Variants in FHIP2B observed in about 807,000 individuals in gnomAD.
FHIP2B encodes FHF complex subunit HOOK-interacting protein 2B.
Under a neutral mutation model 84.0 loss-of-function variants are expected in FHIP2B, and 72 were observed. The observed-to-expected ratio is 0.86, with a 90% CI of 0.71 to 1.04. The LOEUF is 1.04. FHIP2B is among the 50% of genes least tolerant of loss of function. The probability of loss-of-function intolerance (pLI) is 0.00; values close to 1 mark genes in which losing one functional copy is unlikely to be tolerated. For missense variants in FHIP2B, 972 were observed against 968.9 expected (o/e 1.00, Z -0.04); for synonymous variants, 497 against 418.7 (o/e 1.19, Z -2.28).
chr8:22,090,346 T>A (rs1317241583), intron 1 of FHIP2B, among the ~76,000 whole-genome samples: 1 of 152,198 alleles, frequency 6.6e-6, no homozygotes, highest in Non-Finnish European at 1.5e-5. Flanking sequence ...GAGCTCCTGT[T>A]GAAAGAAGTT....
intron 7 of FHIP2B, 51 bp from the exon 8 acceptor site, chr8:22,098,897 C>CCTTGAA (rs1261990993): frequency 6.9e-7 from 1 of 1,446,976 alleles, no homozygotes; most frequent in Non-Finnish European, 9.5e-7. Context: ...TTGAGGAAGA[C>CCTTGAA]CTTGAAGCTC....
intron 9 of FHIP2B, 31 bp downstream of exon 9, chr8:22,099,391 T>G (rs1423334818): frequency 6.2e-7 from 1 of 1,607,146 alleles, no homozygotes; most frequent in Admixed American, 1.7e-5. Flanking sequence ...GGCATGACTG[T>G]GGTCTACAGT....
At position 22,101,700 on chromosome 8, in the gene FHIP2B, T is replaced by C. The variant is rs758510626; in HGVS notation, c.1708-8T>C. On this transcript the variant is annotated splice_polypyrimidine_tract_variant and splice_region_variant and intron_variant, in intron 13 of 16. Coordinates refer to ENST00000289921, the MANE Select transcript of FHIP2B (RefSeq NM_022749.7). ...GGCCCACTGCCTCTACTTTCCCGCC[T>C]GTCTCAGTTCCAGGAGTGCAGCTCC... 6.2e-7 allele frequency: 1 copy of C among 1,605,172 alleles called. No homozygotes were observed. Among genetic ancestry groups the C allele is most frequent in the East Asian group, 2.2e-5 (1 of 44,516 alleles).
intron 9 of FHIP2B, 140 bp downstream of exon 9, chr8:22,099,500 C>T (rs1825982206): frequency 9.0e-7 from 1 of 1,113,356 alleles, no homozygotes; most frequent in East Asian, 2.6e-5. Context: ...GTTTGCCAGG[C>T]CTGCCCCATG....
chr8:22,097,765 G>A lies in FHIP2B; in HGVS notation c.451G>A (p.Glu151Lys), dbSNP rs1161949327. The change falls in exon 5 of 17, where the codon GAG becomes AAG. Residue 151 changes from glutamate (E) to lysine (K), a missense_variant. Transcript: ENST00000289921. ...GTASGSVTEK[E>K]EVQFTTVLCS... ...TGCTTCCGGATCCGTTACAGAAAAG[G>A]AGGAGGTGCAGTTCACCACCGTCCT... 1.2e-6 allele frequency: 2 copies of A among 1,613,510 alleles called. No homozygotes were observed. Among genetic ancestry groups the A allele is most frequent in the Non-Finnish European group, 1.7e-6 (2 of 1,179,808 alleles).
chr8:22,098,983 C>G lies in FHIP2B; in HGVS notation c.1001C>G (p.Pro334Arg), dbSNP rs975110305. 1.9e-6 allele frequency: 3 copies of G among 1,608,012 alleles called. No homozygotes were observed. The highest frequency in any genetic ancestry group is 4.5e-5 in the East Asian group (2 of 44,810). ...PSAPSDEASFPGKEALAAFLG... is the reference protein window; with the variant it reads ...PSAPSDEASFRGKEALAAFLG... ...GCCCCGTCTGATGAGGCTTCCTTCC[C>G]TGGCAAGGAGGCCTTGGCTGCCTTC... Residue 334 changes from proline (P) to arginine (R), a missense_variant, in exon 8 of 17, where the codon CCT (proline) becomes CGT (arginine). Pro to Arg is a moderately radical substitution (Grantham distance 103, BLOSUM62 -2). Transcript: ENST00000289921.
Position 22,089,207 on chromosome 8 carries a change from C to G in FHIP2B, c.-47C>G, listed in dbSNP as rs1281860926. 2 of 1,051,224 alleles carry G rather than the reference C, an allele frequency of 1.9e-6. No individual in the cohort carries two copies. Among genetic ancestry groups the G allele is most frequent in the Non-Finnish European group, 2.3e-6 (2 of 872,152 alleles). The allele number at this position is 1,051,224 out of a possible 1,614,324, so 65.1% of individuals were successfully genotyped here. A position where few individuals can be genotyped will look rare whatever the true frequency, so the allele number is the denominator to read the frequency against. ...ACGGGGCTGCCTCCTCCGCCTAGAG[C>G]GCTGCCGCCGCCGCTTTCGCCCGGG... is the stretch of plus-strand genomic sequence containing the variant. On this transcript the variant is annotated 5_prime_UTR_variant, in exon 1 of 17. Transcript: ENST00000289921.
rs772400146 is a variant in FHIP2B at position 22,102,298 on chromosome 8, T to C, written c.1975T>C (p.Phe659Leu). ...CCTGGCCCCCGGCTGCAGGAGCCTA[T>C]TCTCCGTGTTGGTGAGGGTGAGGAC... Reference protein sequence around the residue: ...ISLAPGCRSLFSVLVRVIGDL... With the variant: ...ISLAPGCRSLLSVLVRVIGDL... The change falls in exon 15 of 17, where the codon TTC becomes CTC. Residue 659 changes from phenylalanine to leucine, a missense_variant. Physicochemically the swap from Phe to Leu is conservative, Grantham distance 22. Transcript: ENST00000289921. 1 of 1,612,852 alleles carries C rather than the reference T, an allele frequency of 6.2e-7. No individual in the cohort carries two copies.
Position 22,100,578 on chromosome 8 carries a change from C to A in FHIP2B, c.1342-16C>A. The A allele has an allele frequency of 6.6e-7, 1 of 1,523,610 alleles. No homozygotes were observed. The highest frequency in any genetic ancestry group is 2.3e-5 in the East Asian group (1 of 43,228). 94.4% of individuals were successfully genotyped at this position (1,523,610 alleles called of 1,614,324 possible). ...GTGGGGAAGGGGCTATCCTGCCGAC[C>A]CCCTTCCTGCTCCAGATCAGCATCA... On this transcript the variant is annotated splice_polypyrimidine_tract_variant and intron_variant, in intron 10 of 16. Transcript: ENST00000289921.
rs760887486 is a variant in FHIP2B, at chr8:22,102,225, C to G, written c.1902C>G (p.Leu634=). The change falls in exon 15 of 17, where the codon CTC becomes CTG. Residue 634 remains leucine, a synonymous_variant. Transcript: ENST00000289921. ...CCTCGGTCCTGTCCCGGCTTGCCCT[C>G]TTCCCCCACCCCCATATTCATGAGT... ...QVTSVLSRLA[L]FPHPHIHEYL... The G allele has an allele frequency of 6.2e-7, 1 of 1,613,376 alleles. No individual in the cohort carries two copies. Among genetic ancestry groups the G allele is most frequent in the African/African-American group, 1.3e-5 (1 of 74,922 alleles).
Position 22,096,448 on chromosome 8 carries a change from G to A in FHIP2B, c.236G>A (p.Cys79Tyr). 6.4e-7 allele frequency: 1 copy of A among 1,555,004 alleles called. No individual in the cohort carries two copies. The part of the protein sequence containing the change: ...QQAAAGEAGP[C>Y]LEYLLQHKIL... ...GCGGCCGCGGGTGAGGCAGGGCCCTGCCTGGAGTACCTGCTGCAGCACAAG... is the reference window on the plus strand; with the variant it reads ...GCGGCCGCGGGTGAGGCAGGGCCCTACCTGGAGTACCTGCTGCAGCACAAG... Residue 79 changes from cysteine (C) to tyrosine (Y), a missense_variant, in exon 3 of 17, where the codon TGC becomes TAC. Cys to Tyr is a radical substitution (Grantham distance 194). Coordinates refer to ENST00000289921, the MANE Select transcript of FHIP2B (RefSeq NM_022749.7).
chr8:22,095,510 G>C (rs1056761101), intron 2 of FHIP2B: 3 of 152,182 alleles, frequency 2.0e-5, no homozygotes, highest in African/African-American at 7.2e-5. Flanking sequence ...ATCTCTTCAG[G>C]TTAAAGATCT....
intron 16 of FHIP2B, 39 bp from the exon 17 acceptor site, chr8:22,102,753 GC>G (rs1434318243): frequency 5.6e-6 from 9 of 1,609,642 alleles, no homozygotes; most frequent in Non-Finnish European, 7.6e-6. Context: ...GCACAGTCCT[GC>G]CCCCACCCAG....
chr8:22,098,992 AG>A lies in FHIP2B; in HGVS notation c.1012del (p.Ala338ProfsTer53). ...GATGAGGCTTCCTTCCCTGGCAAGGAGGCCTTGGCTGCCTTCTTGGGCTGGT... is the reference window on the plus strand; with the variant it reads ...GATGAGGCTTCCTTCCCTGGCAAGGAGCCTTGGCTGCCTTCTTGGGCTGGT... ...PSDEASFPGK[E>X]ALAAFLGWFD... On this transcript the variant is annotated frameshift_variant, in exon 8 of 17. Transcript: ENST00000289921. LOFTEE classifies it high-confidence loss of function. 6.2e-7 allele frequency: 1 copy of A among 1,608,646 alleles called. No individual in the cohort carries two copies. The highest frequency in any genetic ancestry group is 1.3e-5 in the African/African-American group (1 of 74,954).
At chr8:22,102,085 C>T (rs563906527) in intron 14 of FHIP2B, 90 bp from the exon 15 acceptor site, 5 of 1,604,034 alleles carry the variant, frequency 3.1e-6, no homozygotes, top group Admixed American at 3.4e-5. Context: ...CCCCCACACA[C>T]GTTCACAGTG....
intron 10 of FHIP2B, chr8:22,100,160 C>T: frequency 2.2e-6 from 1 of 455,086 alleles, no homozygotes; most frequent in South Asian, 3.3e-5. Flanking sequence ...TCTCCAACTC[C>T]TGGCCTCAAG....
intron 1 of FHIP2B, among the ~76,000 whole-genome samples, chr8:22,094,100 G>A (rs540530970): frequency 7.2e-5 from 11 of 152,062 alleles, no homozygotes; most frequent in East Asian, 1.9e-4. Context: ...CTACTGTAGC[G>A]TAACCATGCT....
chr8:22,095,423 T>C (rs572493838), intron 2 of FHIP2B: 12 of 152,374 alleles, frequency 7.9e-5, no homozygotes, highest in Middle Eastern at 3.4e-3. Flanking sequence ...CACCCCCGAA[T>C]TGGGACAACC....
rs10651878 is a variant in FHIP2B, at chr8:22,093,316, G to GTTTTGTTGT, written c.46-1123_46-1122insTTTGTTGTT. ...ACTCTGCAAGAAAAGCGAAGGAATG[G>GTTTTGTTGT]TGTTGTTGTTGTTGTTGTTGTTGTT... On this transcript the variant is annotated intron_variant, in intron 1 of 16. Transcript: ENST00000289921. 3.3e-5 allele frequency among the ~76,000 whole-genome samples: 5 copies of GTTTTGTTGT among 151,476 alleles called. No individual in the cohort carries two copies. The South Asian group carries it at 6.2e-4, about 19-fold the overall frequency.
Sources: gnomAD v4.1 joint callset for allele counts (sites outside exome capture counted in the v4.1 genomes callset) on GRCh38, gnomAD v4.1.1 for gene constraint, MANE v1.5 for transcripts, NCBI Gene and HGNC (gene_info 2026-07-23, HGNC 2026-07-21) for gene names.